Variants in DICER1 observed in about 807,000 individuals in gnomAD.
DICER1 encodes dicer 1, ribonuclease III.
Under a neutral mutation model 194.1 loss-of-function variants are expected in DICER1, and 43 were observed. The observed-to-expected ratio is 0.22, with a 90% CI of 0.17 to 0.29. The LOEUF (loss-of-function observed/expected upper bound fraction) is 0.29, where lower values mean the gene tolerates loss of function less well. Among genes scored for constraint, DICER1 ranks in the 10% least tolerant of loss-of-function variants. DICER1 has a pLI of 1.00. For synonymous variants in DICER1, 832 were observed against 820.5 expected (o/e 1.01, Z -0.24); for missense variants, 1,608 against 2,317.0 (o/e 0.69, Z 6.28).
rs771539516 is a variant in DICER1 at position 95,087,687 on chromosome 14, A to G, written c.*2811T>C. The G allele has an allele frequency of 1.6e-4, 38 of 233,160 alleles. No individual in the cohort carries two copies. The highest frequency in any genetic ancestry group is 3.0e-4 in the Non-Finnish European group (36 of 118,042). The allele number at this position is 233,160 out of a possible 1,614,324, so 14.4% of individuals were successfully genotyped here. ...TTAGGACTGCGGAAAGCATATTATA[A>G]AAGAAATTTTAAAAAATTTACAAAT... is the stretch of plus-strand genomic sequence containing the variant. On this transcript the variant is annotated 3_prime_UTR_variant, in exon 27 of 27. Coordinates refer to ENST00000343455, the MANE Select transcript of DICER1 (RefSeq NM_177438.3).
chr14:95,098,816 T>A (rs118121097), intron 22 of DICER1, among the ~76,000 whole-genome samples: 1 of 152,294 alleles, frequency 6.6e-6, no homozygotes, highest in East Asian at 1.9e-4. Context: ...AAGTTCTAAT[T>A]CTGTAATAAG....
At position 95,093,884 on chromosome 14, in the gene DICER1, T is replaced by C. The variant is rs1485762944; in HGVS notation, c.5364+4A>G. 6.2e-7 allele frequency: 1 copy of C among 1,614,062 alleles called. No individual in the cohort carries two copies. Among genetic ancestry groups the C allele is most frequent in the African/African-American group, 1.3e-5 (1 of 74,932 alleles). On this transcript the variant is annotated splice_donor_region_variant and intron_variant, in intron 24 of 26. Transcript: ENST00000343455. The stretch of plus-strand genomic sequence containing the variant: ...TTTTCAACATCGTTTTGAACAGCAC[T>C]AACCTCAGAATCCATTCCTTGCATT...
rs1294441147 is a variant in DICER1, at chr14:95,086,535, G to A, written c.*3963C>T. 5 of 233,316 alleles carry A rather than the reference G, an allele frequency of 2.1e-5. No individual in the cohort carries two copies. In the South Asian group the frequency reaches 5.4e-4, roughly 25 times the overall value. 14.5% of individuals were successfully genotyped at this position (233,316 alleles called of 1,614,324 possible). ...TTTTGCTATGTAACCTGCTGCTGCAGTGAATTCTTAGTGCATCTATAAAAT... is the reference window on the plus strand; with the variant it reads ...TTTTGCTATGTAACCTGCTGCTGCAATGAATTCTTAGTGCATCTATAAAAT... On this transcript the variant is annotated 3_prime_UTR_variant, in exon 27 of 27. Coordinates refer to ENST00000343455, the MANE Select transcript of DICER1 (RefSeq NM_177438.3).
At chr14:95,106,253 T>G (rs772729297) in intron 17 of DICER1, 30 bp from the exon 18 acceptor site, 1 of 1,555,938 alleles carries the variant, frequency 6.4e-7, no homozygotes, top group African/African-American at 1.4e-5. Flanking sequence ...AAACAATCAG[T>G]TGCTTTTTGA....
At chr14:95,108,898 A>G (rs1891702743) in intron 14 of DICER1, among the ~76,000 whole-genome samples, 1 of 152,182 alleles carries the variant, frequency 6.6e-6, no homozygotes, top group African/African-American at 2.4e-5. Context: ...AAGTTAGGCA[A>G]ATTTTTAAAA....
At chr14:95,110,680 A>C (rs925587277) in intron 14 of DICER1, among the ~76,000 whole-genome samples, 1 of 152,186 alleles carries the variant, frequency 6.6e-6, no homozygotes, top group Non-Finnish European at 1.5e-5. Flanking sequence ...GGTTCTTATG[A>C]GGTAAAAATA....
At chr14:95,156,883 G>A (rs892777547) in intron 1 of DICER1, among the ~76,000 whole-genome samples, 1 of 152,098 alleles carries the variant, frequency 6.6e-6, no homozygotes, top group East Asian at 1.9e-4. Context: ...CGCGCGTGAC[G>A]GGACCTGTCA....
In DICER1 at chr14:95,089,498, T is replaced by A. The variant is rs1370655181; in HGVS notation, c.*1000A>T. 3 of 232,390 alleles carry A rather than the reference T, an allele frequency of 1.3e-5. No homozygotes were observed. Among genetic ancestry groups the A allele is most frequent in the Non-Finnish European group, 2.6e-5 (3 of 117,638 alleles). 14.4% of individuals were successfully genotyped at this position (232,390 alleles called of 1,614,324 possible). ...TGTGATATGTCTAAGGTTTATTTTG[T>A]TAGAGCAACAGCCTAGAAGGCAAAA... On this transcript the variant is annotated 3_prime_UTR_variant, in exon 27 of 27. Transcript: ENST00000343455.
intron 23 of DICER1, 186 bp downstream of exon 23, chr14:95,095,639 A>G: frequency 2.9e-6 from 2 of 697,682 alleles, no homozygotes; most frequent in Non-Finnish European, 2.5e-6. Context: ...CAAAGTTATA[A>G]AGCAATACGT....
chr14:95,096,645 C>T lies in DICER1; in HGVS notation c.4275G>A (p.Glu1425=), dbSNP rs2139853845. The T allele has an allele frequency of 6.2e-7, 1 of 1,611,432 alleles. No individual in the cohort carries two copies. Residue 1425 remains glutamate, a synonymous_variant, in exon 23 of 27, where the codon GAG becomes GAA. Coordinates refer to ENST00000343455, the MANE Select transcript of DICER1 (RefSeq NM_177438.3). ...EDYEEEDEEE[E]SLMWRAPKEE... is the part of the protein sequence containing the mutation. ...CCTTCGGAGCCCTCCACATCAGGCT[C>T]TCCTCCTCCTCATCCTCCTCCTCGT...
At chr14:95,122,404 T>G (rs1042304735) in intron 8 of DICER1, among the ~76,000 whole-genome samples, 1 of 152,194 alleles carries the variant, frequency 6.6e-6, no homozygotes, top group South Asian at 2.1e-4. Context: ...GGCTTACAAC[T>G]GCGCCAGCAT....
rs573514143 is a variant in DICER1, at chr14:95,124,807, G to C, written c.904-139C>G. 3 of 702,050 alleles carry C rather than the reference G, an allele frequency of 4.3e-6. No individual in the cohort carries two copies. The highest frequency in any genetic ancestry group is 1.8e-5 in the South Asian group (1 of 56,582). 43.5% of individuals were successfully genotyped at this position (702,050 alleles called of 1,614,324 possible). On this transcript the variant is annotated intron_variant, in intron 7 of 26. Coordinates refer to ENST00000343455, the MANE Select transcript of DICER1 (RefSeq NM_177438.3). This position sits in a 1 kb window ranked among gnomAD's most constrained non-coding sequence, Gnocchi z 4.5. ...AGCCTTAGGTTAAGTCCCTGAAGGT[G>C]GGGGGAGAGGCCATTAGCCTTTTCA...
chr14:95,102,350 T>C (rs1890956259), intron 21 of DICER1, among the ~76,000 whole-genome samples: 1 of 152,206 alleles, frequency 6.6e-6, no homozygotes, highest in African/African-American at 2.4e-5. Flanking sequence ...CATTAATAGT[T>C]CCTTGCTCTA....
At chr14:95,145,686 C>A (rs1264275917) in intron 1 of DICER1, among the ~76,000 whole-genome samples, 2 of 150,412 alleles carry the variant, frequency 1.3e-5, no homozygotes, top group African/African-American at 4.9e-5. Flanking sequence ...AAAAAAAAAA[C>A]AATAATTTCA....
rs761163858 is a variant in DICER1 at position 95,106,225 on chromosome 14, TA to T, written c.2805-3del. Reference sequence around the variant, plus strand: ...TGAGGCTGATCAAAATTGCGATATCTAAAAAAGAAAAACAAAAAAACAATCA... The same window carrying T: ...TGAGGCTGATCAAAATTGCGATATCTAAAAAGAAAAACAAAAAAACAATCA... On this transcript the variant is annotated splice_region_variant and splice_polypyrimidine_tract_variant and intron_variant, in intron 17 of 26. Coordinates refer to ENST00000343455, the MANE Select transcript of DICER1 (RefSeq NM_177438.3). 1 of 1,612,190 alleles carries T rather than the reference TA, an allele frequency of 6.2e-7. No homozygotes were observed.
intron 1 of DICER1, among the ~76,000 whole-genome samples, chr14:95,153,827 G>C (rs1331632913): frequency 6.6e-6 from 1 of 152,160 alleles, no homozygotes; most frequent in African/African-American, 2.4e-5. Context: ...TGGAAGAAGT[G>C]AAAACTAGCC....
intron 8 of DICER1, among the ~76,000 whole-genome samples, chr14:95,122,152 T>C (rs113391800): frequency 8.3e-4 from 126 of 152,356 alleles, no homozygotes; most frequent in African/African-American, 2.8e-3. Flanking sequence ...AGTCACATTT[T>C]ATGAAAGTTG....
rs1889679249 is a variant in DICER1 at position 95,090,346 on chromosome 14, TTC to T, written c.*150_*151del. On this transcript the variant is annotated 3_prime_UTR_variant, in exon 27 of 27. Coordinates refer to ENST00000343455, the MANE Select transcript of DICER1 (RefSeq NM_177438.3). ...TTTTATACATATGTTAAATGTTTTA[TTC>T]TGTTATCTATCCTGTTATCAACCAA... is the stretch of plus-strand genomic sequence containing the variant. 2.4e-6 allele frequency: 2 copies of T among 826,214 alleles called. No homozygotes were observed. Among genetic ancestry groups the T allele is most frequent in the East Asian group, 2.7e-5 (1 of 37,716 alleles). 51.2% of individuals were successfully genotyped at this position (826,214 alleles called of 1,614,324 possible).
At position 95,105,059 on chromosome 14, in the gene DICER1, G is replaced by A. The variant is rs775380766; in HGVS notation, c.3269+12C>T. The A allele has an allele frequency of 8.7e-6, 14 of 1,612,936 alleles. No individual in the cohort carries two copies. Among genetic ancestry groups the A allele is most frequent in the East Asian group, 4.5e-5 (2 of 44,888 alleles). ...TGATCTGTGTTCTTTCTGGCTGACT[G>A]CACAGGCATACCTAAAATCCGCAGG... is the stretch of plus-strand genomic sequence containing the variant. On this transcript the variant is annotated intron_variant, in intron 20 of 26. Coordinates refer to ENST00000343455, the MANE Select transcript of DICER1 (RefSeq NM_177438.3). The surrounding 1 kb of genome is among the most constrained non-coding windows in gnomAD (Gnocchi z 4.9).
Sources: gnomAD v4.1 joint callset for allele counts (sites outside exome capture counted in the v4.1 genomes callset) on GRCh38, gnomAD v4.1.1 for gene constraint, Gnocchi (gnomAD v3.1) non-coding constraint, MANE v1.5 for transcripts, NCBI Gene and HGNC (gene_info 2026-07-23, HGNC 2026-07-21) for gene names.